RPS6KA2: variants seen among roughly 807,000 people sequenced by gnomAD.
RPS6KA2 encodes ribosomal protein S6 kinase alpha-2.
Under a neutral mutation model 91.8 loss-of-function variants are expected in RPS6KA2, and 42 were observed. That is an observed-to-expected ratio of 0.46 (90% CI 0.36 to 0.59). The LOEUF (loss-of-function observed/expected upper bound fraction) is 0.59. Among genes scored for constraint, RPS6KA2 ranks in the 20% least tolerant of loss-of-function variants. The pLI, the probability that RPS6KA2 is intolerant of heterozygous loss-of-function variation, is 0.00. For missense variants in RPS6KA2, 798 were observed against 978.5 expected (o/e 0.82, Z 2.46); for synonymous variants, 414 against 393.6 (o/e 1.05, Z -0.61).
intron 1 of RPS6KA2, among the ~76,000 whole-genome samples, chr6:166,622,117 G>T (rs1160532918): frequency 6.6e-6 from 1 of 152,142 alleles, no homozygotes; most frequent in Non-Finnish European, 1.5e-5. Flanking sequence ...GCTGTGCTGG[G>T]TGTGGCCAAA....
intron 2 of RPS6KA2, chr6:166,701,307 C>G: frequency 6.3e-7 from 1 of 1,579,126 alleles, no homozygotes; most frequent in Non-Finnish European, 8.6e-7. Flanking sequence ...GTTCATTCAC[C>G]GTTTTGCCTC....
In RPS6KA2 at chr6:166,855,413, AGGAG is replaced by A. The variant is rs1351402155; in HGVS notation, c.123+2783_123+2786del. ...AAGGAGAAGGAGGAGGAGGAAGAGG[AGGAG>A]GAAGAAGAAGAGGAAGAAGAGGAAG... On this transcript the variant is annotated intron_variant, in intron 2 of 21. Transcript: ENST00000503859. 2.4e-4 allele frequency among the ~76,000 whole-genome samples: 35 copies of A among 148,054 alleles called. 1 individual carries two copies. The East Asian group carries it at 5.5e-3, about 23-fold the overall frequency.
At chr6:166,593,746 G>A (rs1785430698) in intron 1 of RPS6KA2, among the ~76,000 whole-genome samples, 1 of 151,774 alleles carries the variant, frequency 6.6e-6, no homozygotes, top group South Asian at 2.1e-4. Flanking sequence ...CAATTAAAAT[G>A]GCAAAAGATC....
intron 2 of RPS6KA2, among the ~76,000 whole-genome samples, chr6:166,634,664 C>T (rs1787179993): frequency 6.6e-6 from 1 of 152,094 alleles, no homozygotes; most frequent in Non-Finnish European, 1.5e-5. Context: ...TCACTCTGTC[C>T]CCCAGGCTGG....
intron 2 of RPS6KA2, chr6:166,702,539 G>T: frequency 7.0e-7 from 1 of 1,438,684 alleles, no homozygotes; most frequent in Non-Finnish European, 9.8e-7. Context: ...TACTGGACTA[G>T]TCAACTATCC....
At chr6:166,607,318 A>G (rs1362201198) in intron 1 of RPS6KA2, among the ~76,000 whole-genome samples, 1 of 152,200 alleles carries the variant, frequency 6.6e-6, no homozygotes, top group African/African-American at 2.4e-5. Context: ...ATATGTCCAC[A>G]CAAAAACCTG....
At chr6:166,559,996 A>G (rs1784292887) in intron 1 of RPS6KA2, among the ~76,000 whole-genome samples, 1 of 152,242 alleles carries the variant, frequency 6.6e-6, no homozygotes, top group African/African-American at 2.4e-5. Flanking sequence ...ATGTGAACTT[A>G]CAAAGATGCA....
intron 1 of RPS6KA2, among the ~76,000 whole-genome samples, chr6:166,572,765 C>T (rs1784727048): frequency 6.6e-6 from 1 of 152,226 alleles, no homozygotes; most frequent in Non-Finnish European, 1.5e-5. Flanking sequence ...GAACATAGCC[C>T]ACACGGAGCC....
rs942761380 is a variant in RPS6KA2 at position 166,652,665 on chromosome 6, C to T, written c.124-113881G>A. Among the ~76,000 whole-genome samples the T allele has an allele frequency of 5.3e-5, 8 of 152,218 alleles. No individual in the cohort carries two copies. In the East Asian group the frequency reaches 5.8e-4, roughly 11 times the overall value. ...GATCTCTTGTTGTTAAAATCCCACC[C>T]GGTGACCTGCTTGGGTTCCCCCAGC... On this transcript the variant is annotated intron_variant, in intron 2 of 21. Transcript: ENST00000503859.
chr6:166,412,770 G>T lies in RPS6KA2; in HGVS notation c.2194C>A (p.Arg732=), dbSNP rs1326828401. 1.3e-6 allele frequency: 2 copies of T among 1,598,042 alleles called. No individual in the cohort carries two copies. The highest frequency in any genetic ancestry group is 1.7e-5 in the Admixed American group (1 of 57,754). Residue 732 remains arginine, a synonymous_variant, in exon 21 of 21, where the codon CGG becomes AGG. Transcript: ENST00000265678. This position sits in a 1 kb window ranked among gnomAD's most constrained non-coding sequence, Gnocchi z 4.3. The part of the protein sequence containing the change: ...RRGMKRLTST[R]L Reference sequence around the variant, plus strand: ...GGCCAGGGTCCCACCCGCTACAGCCGCGTGGACGTGAGTCTCTTCATGCCT... The same window carrying T: ...GGCCAGGGTCCCACCCGCTACAGCCTCGTGGACGTGAGTCTCTTCATGCCT...
chr6:166,544,123 C>A (rs768590036), intron 1 of RPS6KA2, among the ~76,000 whole-genome samples: 1 of 152,204 alleles, frequency 6.6e-6, no homozygotes, highest in African/African-American at 2.4e-5. Flanking sequence ...TTGGCCTCTG[C>A]GTATTCCTTA....
chr6:166,521,321 CA>C (rs1782847244), intron 3 of RPS6KA2, among the ~76,000 whole-genome samples: 1 of 152,210 alleles, frequency 6.6e-6, no homozygotes, highest in Non-Finnish European at 1.5e-5. Flanking sequence ...CTTGGAGAGC[CA>C]ACCCCTGCCC....
chr6:166,525,494 T>C (rs756392433), intron 3 of RPS6KA2, among the ~76,000 whole-genome samples: 11 of 152,008 alleles, frequency 7.2e-5, no homozygotes, highest in Admixed American at 1.3e-4. Flanking sequence ...AGGAGACGGG[T>C]GCCCAACGCT....
intron 1 of RPS6KA2, among the ~76,000 whole-genome samples, chr6:166,567,183 C>T (rs1040815269): frequency 5.3e-5 from 8 of 152,214 alleles, no homozygotes; most frequent in African/African-American, 1.4e-4. Context: ...ACCCTTTAAT[C>T]GGCCATGAGT....
chr6:166,731,198 C>A (rs1471655938), intron 2 of RPS6KA2, among the ~76,000 whole-genome samples: 1 of 151,944 alleles, frequency 6.6e-6, no homozygotes, highest in Non-Finnish European at 1.5e-5. Flanking sequence ...GCCGAGATTG[C>A]GCCATTGCAC....
intron 2 of RPS6KA2, among the ~76,000 whole-genome samples, chr6:166,650,208 C>G (rs1221646822): frequency 1.3e-5 from 2 of 151,742 alleles, no homozygotes; most frequent in Admixed American, 6.6e-5. Context: ...CAGAGCCCCT[C>G]TCTACTGCGG....
intron 1 of RPS6KA2, among the ~76,000 whole-genome samples, chr6:166,578,873 T>C (rs1784921712): frequency 6.6e-6 from 1 of 152,212 alleles, no homozygotes; most frequent in Non-Finnish European, 1.5e-5. Context: ...TGCAGAGATA[T>C]GTGAGGGACA....
At chr6:166,690,033 C>G (rs542493224) in intron 2 of RPS6KA2, among the ~76,000 whole-genome samples, 1 of 152,196 alleles carries the variant, frequency 6.6e-6, no homozygotes, top group South Asian at 2.1e-4. Flanking sequence ...GCAATCCCAC[C>G]GCATGGCTCC....
intron 6 of RPS6KA2, among the ~76,000 whole-genome samples, chr6:166,501,260 G>A (rs2128478402): frequency 6.6e-6 from 1 of 152,352 alleles, no homozygotes. Context: ...AAGCATAGGT[G>A]GAGAGCGTCC....
Sources: gnomAD v4.1 joint callset for allele counts (sites outside exome capture counted in the v4.1 genomes callset) on GRCh38, gnomAD v4.1.1 for gene constraint, Gnocchi (gnomAD v3.1) non-coding constraint, MANE v1.5 for transcripts, NCBI Gene and HGNC (gene_info 2026-07-23, HGNC 2026-07-21) for gene names.